The following GRM7 variants were observed in gnomAD, a reference collection of about 807,000 sequenced individuals.
GRM7 encodes metabotropic glutamate receptor 7.
GRM7 carries 35 observed loss-of-function variants against 84.5 expected under a neutral mutation model. The observed-to-expected ratio is 0.41, with a 90% CI of 0.32 to 0.55. The LOEUF (loss-of-function observed/expected upper bound fraction) is 0.55, where lower values mean the gene tolerates loss of function less well. GRM7 is among the 20% of genes least tolerant of loss of function. The pLI, the probability that GRM7 is intolerant of heterozygous loss-of-function variation, is 0.19. For missense variants in GRM7, 1,003 were observed against 1,194.6 expected (o/e 0.84, Z 2.36); for synonymous variants, 487 against 455.1 (o/e 1.07, Z -0.89).
intron 8 of GRM7, among the ~76,000 whole-genome samples, chr3:7,662,076 T>TA (rs1699483597): frequency 1.3e-5 from 2 of 152,084 alleles, no homozygotes; most frequent in Non-Finnish European, 2.9e-5. Context: ...CAATAGAAAT[T>TA]AATGAAATAT....
intron 1 of GRM7, among the ~76,000 whole-genome samples, chr3:7,038,450 G>C (rs1696464468): frequency 6.6e-6 from 1 of 152,162 alleles, no homozygotes; most frequent in African/African-American, 2.4e-5. Flanking sequence ...CAACAGATGA[G>C]AGACAGCAAA....
chr3:7,183,085 C>T (rs1695398133), intron 2 of GRM7, among the ~76,000 whole-genome samples: 1 of 151,798 alleles, frequency 6.6e-6, no homozygotes, highest in South Asian at 2.1e-4. Flanking sequence ...TATATCGTTG[C>T]CCTCGTCTTG....
chr3:7,155,790 T>C (rs1694429122), intron 2 of GRM7, among the ~76,000 whole-genome samples: 1 of 152,132 alleles, frequency 6.6e-6, no homozygotes, highest in Non-Finnish European at 1.5e-5. Flanking sequence ...GGGGAGCAGA[T>C]GATAAACATA....
intron 1 of GRM7, among the ~76,000 whole-genome samples, chr3:6,981,876 G>A (rs540506133): frequency 3.9e-5 from 6 of 152,278 alleles, no homozygotes; most frequent in East Asian, 1.9e-4. Flanking sequence ...TTCAGCCACC[G>A]TGGAAAGCAA....
Position 7,479,066 on chromosome 3 carries a change from A to G in GRM7, c.1515+17344A>G, listed in dbSNP as rs558554148. 7.1e-4 allele frequency among the ~76,000 whole-genome samples: 108 copies of G among 152,118 alleles called. 1 individual carries two copies. Among genetic ancestry groups the G allele is most frequent in the Middle Eastern group, 3.4e-3 (1 of 294 alleles). On this transcript the variant is annotated intron_variant, in intron 7 of 9. Transcript: ENST00000357716. ...CAGTGTACCCATATGTAAAGTGGGG[A>G]CATTTATACTGTCCTAGTCTGCTTT...
chr3:7,603,869 A>G (rs1351262466), intron 8 of GRM7, among the ~76,000 whole-genome samples: 1 of 152,200 alleles, frequency 6.6e-6, no homozygotes, highest in Non-Finnish European at 1.5e-5. Context: ...CAGCCAATTC[A>G]AAGGAGAAAT....
intron 7 of GRM7, among the ~76,000 whole-genome samples, chr3:7,490,404 C>T (rs76725066): frequency 0.013 from 2,025 of 152,210 alleles, 36 homozygotes; most frequent in African/African-American, 0.046. Flanking sequence ...CCGGGGCATA[C>T]ATAAGCATAG....
chr3:7,363,045 C>T (rs1335790612), intron 4 of GRM7, among the ~76,000 whole-genome samples: 4 of 151,918 alleles, frequency 2.6e-5, no homozygotes, highest in Non-Finnish European at 4.4e-5. Flanking sequence ...TCTCTTGAGC[C>T]CAGACATTTG....
At chr3:7,340,913 G>C (rs79392116) in intron 4 of GRM7, among the ~76,000 whole-genome samples, 1 of 152,132 alleles carries the variant, frequency 6.6e-6, no homozygotes, top group Non-Finnish European at 1.5e-5. Flanking sequence ...AGAACTGGTA[G>C]TGAGGGCTGG....
At chr3:7,464,745 A>G (rs527830408) in intron 7 of GRM7, among the ~76,000 whole-genome samples, 2 of 151,250 alleles carry the variant, frequency 1.3e-5, no homozygotes, top group South Asian at 2.1e-4. Flanking sequence ...GGAGAATGGC[A>G]TGAACCCAGG....
At chr3:7,128,332 C>A (rs1311694008) in intron 1 of GRM7, among the ~76,000 whole-genome samples, 9 of 151,798 alleles carry the variant, frequency 5.9e-5, no homozygotes, top group Non-Finnish European at 1.3e-4. Flanking sequence ...AAACATGACT[C>A]AAGTTTGACT....
chr3:7,184,300 A>G (rs1203263917), intron 2 of GRM7, among the ~76,000 whole-genome samples: 1 of 152,086 alleles, frequency 6.6e-6, no homozygotes, highest in Non-Finnish European at 1.5e-5. Flanking sequence ...CATTGCCCCT[A>G]CTGTGATCTG....
At chr3:6,987,804 C>A (rs1435596966) in intron 1 of GRM7, among the ~76,000 whole-genome samples, 1 of 152,042 alleles carries the variant, frequency 6.6e-6, no homozygotes, top group African/African-American at 2.4e-5. Context: ...AACAGAGAGA[C>A]CAGGAAGGTG....
chr3:7,007,392 C>A (rs1464601236), intron 1 of GRM7, among the ~76,000 whole-genome samples: 1 of 152,142 alleles, frequency 6.6e-6, no homozygotes, highest in Non-Finnish European at 1.5e-5. Flanking sequence ...TTCCCTATAA[C>A]TCTCCTGTAG....
intron 1 of GRM7, among the ~76,000 whole-genome samples, chr3:6,954,376 C>A (rs777113915): frequency 1.3e-5 from 2 of 152,066 alleles, no homozygotes; most frequent in African/African-American, 2.4e-5. Context: ...TTCTATTAAC[C>A]AGTAGAACTT....
intron 8 of GRM7, among the ~76,000 whole-genome samples, chr3:7,646,469 G>A (rs1575590062): frequency 6.6e-6 from 1 of 152,136 alleles, no homozygotes; most frequent in Admixed American, 6.5e-5. Flanking sequence ...TTGGATTACA[G>A]ACGTGAGCCG....
chr3:7,508,345 G>A (rs1480582735), intron 7 of GRM7, among the ~76,000 whole-genome samples: 3 of 152,068 alleles, frequency 2.0e-5, no homozygotes, highest in Non-Finnish European at 4.4e-5. Context: ...ACCAATCTGT[G>A]CCTTAAATTT....
intron 9 of GRM7, among the ~76,000 whole-genome samples, chr3:7,727,476 G>T (rs1366976939): frequency 6.6e-6 from 1 of 152,112 alleles, no homozygotes; most frequent in Admixed American, 6.5e-5. Flanking sequence ...TGACTCAGAG[G>T]AGTTGCTATT....
Position 7,571,876 on chromosome 3 carries a change from C to A in GRM7, c.1516-6546C>A, listed in dbSNP as rs569378681. 2.0e-5 allele frequency among the ~76,000 whole-genome samples: 3 copies of A among 148,918 alleles called. No homozygotes were observed. In the Admixed American group the frequency reaches 2.0e-4, roughly 10 times the overall value. On this transcript the variant is annotated intron_variant, in intron 7 of 9. Coordinates refer to ENST00000357716, the MANE Select transcript of GRM7 (RefSeq NM_000844.4). ...GACTGGGGAGGCCTCACAATCATGG[C>A]AGACTGTGAAATGCAAAGAGGAGTA...
Sources: gnomAD v4.1 joint callset for allele counts (sites outside exome capture counted in the v4.1 genomes callset) on GRCh38, gnomAD v4.1.1 for gene constraint, MANE v1.5 for transcripts, NCBI Gene and HGNC (gene_info 2026-07-23, HGNC 2026-07-21) for gene names.